Variants in LRTM1 observed in about 807,000 individuals in gnomAD.
LRTM1 encodes the protein leucine rich repeat transmembrane protein 1.
A neutral mutation model predicts 32.4 loss-of-function variants in LRTM1; 38 were observed. The ratio of observed to expected loss-of-function variants is 1.17; its 90% CI spans 0.91 to 1.54. The LOEUF (loss-of-function observed/expected upper bound fraction) is 1.54. LRTM1 is among the 40% of genes most tolerant of loss of function. The probability of loss-of-function intolerance (pLI) is 0.00; values close to 1 mark genes in which losing one functional copy is unlikely to be tolerated. For synonymous variants in LRTM1, 186 were observed against 169.9 expected (o/e 1.09, Z -0.74); for missense variants, 466 against 415.4 (o/e 1.12, Z -1.06).
intron 1 of LRTM1, among the ~76,000 whole-genome samples, chr3:54,965,696 G>T (rs1032853564): frequency 6.6e-6 from 1 of 152,156 alleles, no homozygotes; most frequent in African/African-American, 2.4e-5. Context: ...AGAAAACACT[G>T]CAAACCCCAG....
chr3:54,953,908 T>C (rs896874214), intron 1 of LRTM1, among the ~76,000 whole-genome samples: 4 of 152,202 alleles, frequency 2.6e-5, no homozygotes, highest in African/African-American at 9.6e-5. Context: ...TCACCCCGTT[T>C]TGCTAAGTGC....
intron 1 of LRTM1, among the ~76,000 whole-genome samples, chr3:54,954,963 A>T (rs1397347266): frequency 6.6e-6 from 1 of 152,162 alleles, no homozygotes; most frequent in Non-Finnish European, 1.5e-5. Flanking sequence ...GCTTTTATTG[A>T]ATGCTTACTG....
In LRTM1 at chr3:54,934,546, A is replaced by C. The variant is rs189741638; in HGVS notation, c.-221-9331T>G. ...AGTTGCCTGATAAAATTAGTGGAGT[A>C]GTGGGTTTGAAATGTATGCCTCCAG... On this transcript the variant is annotated intron_variant, in intron 1 of 2. Transcript: ENST00000493075. Among the ~76,000 whole-genome samples, 882 of 152,312 alleles carry C rather than the reference A, an allele frequency of 5.8e-3. 12 individuals carry two copies. Among genetic ancestry groups the C allele is most frequent in the African/African-American group, 0.019 (791 of 41,570 alleles).
chr3:54,960,255 G>A (rs769090881), intron 1 of LRTM1, among the ~76,000 whole-genome samples: 1 of 152,090 alleles, frequency 6.6e-6, no homozygotes, highest in Non-Finnish European at 1.5e-5. Flanking sequence ...GTGTGATAAT[G>A]TGAGCTATTT....
intron 2 of LRTM1, among the ~76,000 whole-genome samples, chr3:54,919,179 G>A (rs1366976964): frequency 1.3e-5 from 2 of 152,192 alleles, no homozygotes; most frequent in South Asian, 2.1e-4. Flanking sequence ...CAATGCAAAA[G>A]CTGACAAGAA....
At chr3:54,957,793 C>T (rs1575406699) in intron 1 of LRTM1, among the ~76,000 whole-genome samples, 1 of 152,174 alleles carries the variant, frequency 6.6e-6, no homozygotes, top group Non-Finnish European at 1.5e-5. Flanking sequence ...AGGATGAGCA[C>T]GCATGACCCC....
chr3:54,931,116 G>A (rs1457449702), upstream of LRTM1, among the ~76,000 whole-genome samples: 1 of 152,116 alleles, frequency 6.6e-6, no homozygotes, highest in Non-Finnish European at 1.5e-5. Flanking sequence ...AAAAAACAAA[G>A]TGGCATCTCT....
chr3:54,934,191 A>G (rs1268399901), intron 1 of LRTM1, among the ~76,000 whole-genome samples: 1 of 152,220 alleles, frequency 6.6e-6, no homozygotes, highest in African/African-American at 2.4e-5. Context: ...AACGTTTAGG[A>G]CAATATTAAG....
intron 1 of LRTM1, among the ~76,000 whole-genome samples, chr3:54,933,616 T>C (rs1238523752): frequency 6.6e-6 from 1 of 152,202 alleles, no homozygotes; most frequent in Non-Finnish European, 1.5e-5. Context: ...TGCCTCCACA[T>C]TTTATTGCAT....
intron 1 of LRTM1, among the ~76,000 whole-genome samples, chr3:54,953,383 C>T (rs762513684): frequency 1.3e-5 from 2 of 152,058 alleles, no homozygotes; most frequent in African/African-American, 4.8e-5. Flanking sequence ...TGGTGGGGCC[C>T]GGTAACACTA....
At chr3:54,927,349 T>A (rs1057375524) in intron 1 of LRTM1, among the ~76,000 whole-genome samples, 2 of 152,180 alleles carry the variant, frequency 1.3e-5, no homozygotes, top group Non-Finnish European at 2.9e-5. Flanking sequence ...TTCCAGAATA[T>A]CAAAGAGCAA....
At chr3:54,943,135 G>A (rs565507833) in intron 1 of LRTM1, among the ~76,000 whole-genome samples, 53 of 151,864 alleles carry the variant, frequency 3.5e-4, no homozygotes, top group East Asian at 1.9e-3. Flanking sequence ...CCAGGAGTTC[G>A]AGGCTACAGT....
intron 1 of LRTM1, among the ~76,000 whole-genome samples, chr3:54,927,536 A>G (rs1384531212): frequency 6.6e-6 from 1 of 152,160 alleles, no homozygotes; most frequent in African/African-American, 2.4e-5. Context: ...CGCAGAATCC[A>G]CTGATCTATT....
intron 1 of LRTM1, among the ~76,000 whole-genome samples, chr3:54,951,458 C>T (rs375709047): frequency 6.6e-5 from 10 of 152,316 alleles, no homozygotes; most frequent in East Asian, 5.8e-4. Context: ...CTTTGGTGTG[C>T]GGCCCGGGGG....
chr3:54,927,392 T>C lies in LRTM1; in HGVS notation c.7+513A>G, dbSNP rs1468775114. On this transcript the variant is annotated intron_variant, in intron 1 of 2. Transcript: ENST00000273286. ...GTTTTCCTTTCTATAATTTTGCAAA[T>C]AATCTAAATGACTCCTTTCAAAGCC... 2.0e-5 allele frequency among the ~76,000 whole-genome samples: 3 copies of C among 152,168 alleles called. 1 individual carries two copies. Among genetic ancestry groups the C allele is most frequent in the African/African-American group, 7.2e-5 (3 of 41,426 alleles).
chr3:54,925,805 C>A (rs2106942916), intron 1 of LRTM1, among the ~76,000 whole-genome samples: 1 of 152,302 alleles, frequency 6.6e-6, no homozygotes. Context: ...ACAACAGTAG[C>A]CACATGTGGC....
At chr3:54,962,637 C>T (rs1702057964) in intron 1 of LRTM1, among the ~76,000 whole-genome samples, 1 of 152,228 alleles carries the variant, frequency 6.6e-6, no homozygotes, top group South Asian at 2.1e-4. Flanking sequence ...CCCAAGGGTA[C>T]ACAGCAGTGG....
At chr3:54,924,549 C>T in intron 2 of LRTM1, 70 bp downstream of exon 2, 1 of 1,256,684 alleles carries the variant, frequency 8.0e-7, no homozygotes, top group Admixed American at 1.9e-5. Flanking sequence ...CTTTCTAATG[C>T]AGAGAACAGA....
At chr3:54,941,412 C>T (rs1282080939) in intron 1 of LRTM1, among the ~76,000 whole-genome samples, 1 of 152,136 alleles carries the variant, frequency 6.6e-6, no homozygotes, top group Admixed American at 6.5e-5. Context: ...TGGATCCTGA[C>T]GGACGCTATT....
Sources: allele counts gnomAD v4.1 joint callset (sites outside exome capture counted in the v4.1 genomes callset), GRCh38; gene constraint gnomAD v4.1.1; transcripts MANE v1.5; gene names NCBI Gene and HGNC (gene_info 2026-07-23, HGNC 2026-07-21).